ATP6V1A: variants seen among roughly 807,000 people sequenced by gnomAD.
ATP6V1A encodes the protein ATPase H+ transporting V1 subunit A.
A neutral mutation model predicts 70.1 loss-of-function variants in ATP6V1A; 18 were observed. The observed-to-expected ratio is 0.26, with a 90% CI of 0.18 to 0.38. The LOEUF (loss-of-function observed/expected upper bound fraction) is 0.38, where lower values mean the gene tolerates loss of function less well. ATP6V1A is among the 10% of genes least tolerant of loss of function. The pLI is 1.00. For synonymous variants in ATP6V1A, 232 were observed against 253.8 expected, an observed-to-expected ratio of 0.91 and a Z score of 0.82; for missense variants, 424 against 772.4, an observed-to-expected ratio of 0.55 and a Z score of 5.35.
At chr3:113,785,644 G>T (rs1709030743) in intron 5 of ATP6V1A, among the ~76,000 whole-genome samples, 2 of 149,758 alleles carry the variant, frequency 1.3e-5, no homozygotes, top group Non-Finnish European at 3.0e-5. Context: ...AAGTACCTGG[G>T]ACCACGGGCA....
Position 113,786,739 on chromosome 3 carries a change from G to T in ATP6V1A, c.716+356G>T, listed in dbSNP as rs548890841. On this transcript the variant is annotated intron_variant, in intron 6 of 14. Transcript: ENST00000273398. Reference sequence around the variant, plus strand: ...AAATTAAATTTTCTGAAGAAAATCTGTACCAAAACAATGTAACTCTGTTTC... The same window carrying T: ...AAATTAAATTTTCTGAAGAAAATCTTTACCAAAACAATGTAACTCTGTTTC... Among the ~76,000 whole-genome samples, 71 of 150,916 alleles carry T rather than the reference G, an allele frequency of 4.7e-4. No homozygotes were observed. The South Asian group carries it at 5.4e-3, about 12-fold the overall frequency.
At chr3:113,754,428 G>A (rs1708624735) in intron 1 of ATP6V1A, among the ~76,000 whole-genome samples, 1 of 152,102 alleles carries the variant, frequency 6.6e-6, no homozygotes, top group African/African-American at 2.4e-5. Flanking sequence ...AGCTACTCAA[G>A]AGGCTGAGGT....
chr3:113,800,746 CA>C (rs200289083), intron 12 of ATP6V1A, among the ~76,000 whole-genome samples: 1 of 151,256 alleles, frequency 6.6e-6, no homozygotes, highest in Non-Finnish European at 1.5e-5. Flanking sequence ...AGCCTTAAAA[CA>C]AAAAAAAGAG....
At chr3:113,771,092 C>CAA (rs772702527) in intron 1 of ATP6V1A, among the ~76,000 whole-genome samples, 38 of 119,224 alleles carry the variant, frequency 3.2e-4, no homozygotes, top group African/African-American at 1.1e-3. Context: ...GAGACTCCAT[C>CAA]AAAAAAAAAA....
chr3:113,784,900 G>A, intron 5 of ATP6V1A, 67 bp downstream of exon 5: 1 of 1,455,232 alleles, frequency 6.9e-7, no homozygotes, highest in Non-Finnish European at 9.3e-7. Context: ...CCCAGTTTTA[G>A]TGCCCTAAGT....
intron 3 of ATP6V1A, among the ~76,000 whole-genome samples, chr3:113,781,533 A>T (rs1479095452): frequency 6.6e-6 from 1 of 152,166 alleles, no homozygotes; most frequent in African/African-American, 2.4e-5. Context: ...AGAAAAAAAA[A>T]ATTGAGGATT....
intron 1 of ATP6V1A, among the ~76,000 whole-genome samples, chr3:113,754,314 G>A (rs1037906706): frequency 2.6e-5 from 4 of 152,008 alleles, no homozygotes; most frequent in South Asian, 2.1e-4. Context: ...GCTTGAGCCC[G>A]GTGTTGGAGA....
intron 1 of ATP6V1A, among the ~76,000 whole-genome samples, chr3:113,749,157 A>G (rs1037264171): frequency 3.9e-5 from 6 of 152,122 alleles, no homozygotes; most frequent in Admixed American, 6.5e-5. Context: ...GAACTCGTGA[A>G]AGCAATAACT....
At chr3:113,768,690 C>T (rs1284948411) in intron 1 of ATP6V1A, among the ~76,000 whole-genome samples, 3 of 150,626 alleles carry the variant, frequency 2.0e-5, no homozygotes, top group Non-Finnish European at 3.0e-5. Flanking sequence ...CTGCCTTCCA[C>T]GTTCAAGTGA....
chr3:113,784,860 C>T (rs1559756336), intron 5 of ATP6V1A, 27 bp downstream of exon 5: 2 of 1,608,912 alleles, frequency 1.2e-6, no homozygotes, highest in Non-Finnish European at 1.7e-6. Context: ...CTTTATCCTG[C>T]AGAGTGCCTC....
intron 1 of ATP6V1A, among the ~76,000 whole-genome samples, chr3:113,751,545 G>T (rs1708586439): frequency 6.6e-6 from 1 of 151,784 alleles, no homozygotes; most frequent in South Asian, 2.1e-4. Context: ...TTAAATAAAT[G>T]AAATGTGAGC....
At chr3:113,801,444 C>G (rs995461321) in intron 12 of ATP6V1A, among the ~76,000 whole-genome samples, 1 of 152,110 alleles carries the variant, frequency 6.6e-6, no homozygotes, top group African/African-American at 2.4e-5. Flanking sequence ...TCAAATATTG[C>G]CCAGTGTTGT....
chr3:113,800,102 C>T (rs771619790), intron 12 of ATP6V1A, among the ~76,000 whole-genome samples: 3 of 151,852 alleles, frequency 2.0e-5, no homozygotes, highest in Non-Finnish European at 4.4e-5. Context: ...CATGGTGGCG[C>T]ACCCCTGTAA....
Position 113,803,499 on chromosome 3 carries a change from T to C in ATP6V1A, c.1495-84T>C, listed in dbSNP as rs1577096551. On this transcript the variant is annotated intron_variant, in intron 12 of 14. Transcript: ENST00000273398. ...ACAATAGGTGATGGTGGAAACTATATAATAGTTTCTGCTTGTTAATTAATT... is the reference window on the plus strand; with the variant it reads ...ACAATAGGTGATGGTGGAAACTATACAATAGTTTCTGCTTGTTAATTAATT... 1.0e-5 allele frequency: 10 copies of C among 982,742 alleles called. No homozygotes were observed. In the East Asian group the frequency reaches 2.4e-4, roughly 24 times the overall value. The allele number at this position is 982,742 out of a possible 1,614,324, so 60.9% of individuals were successfully genotyped here.
intron 10 of ATP6V1A, among the ~76,000 whole-genome samples, chr3:113,795,560 C>T (rs1709144808): frequency 6.6e-6 from 1 of 151,814 alleles, no homozygotes; most frequent in Admixed American, 6.6e-5. Flanking sequence ...ATACTTTTTT[C>T]TTAGAGCGTT....
At chr3:113,785,506 C>CTTTTTTTTTTTTTTTT (rs987781968) in intron 5 of ATP6V1A, among the ~76,000 whole-genome samples, 14 of 107,168 alleles carry the variant, frequency 1.3e-4, no homozygotes, top group East Asian at 5.5e-4. Context: ...TTTTTCTTTT[C>CTTTTTTTTTTTTTTTT]TTTTTTTTTT....
chr3:113,760,464 T>TA (rs201100290), intron 1 of ATP6V1A, among the ~76,000 whole-genome samples: 332 of 152,054 alleles, frequency 2.2e-3, no homozygotes, highest in African/African-American at 7.7e-3. Flanking sequence ...CATGGTGGCT[T>TA]ACGCCTGTAA....
intron 1 of ATP6V1A, among the ~76,000 whole-genome samples, chr3:113,764,394 G>A (rs535032379): frequency 3.3e-5 from 5 of 152,172 alleles, no homozygotes; most frequent in African/African-American, 4.8e-5. Flanking sequence ...ACTGTGTAGC[G>A]CATAGAAAAA....
chr3:113,797,810 A>G (rs1709169460), intron 11 of ATP6V1A, among the ~76,000 whole-genome samples: 1 of 152,216 alleles, frequency 6.6e-6, no homozygotes, highest in Non-Finnish European at 1.5e-5. Context: ...AGTATATACT[A>G]AAACGATGTA....
Sources: allele counts gnomAD v4.1 joint callset (sites outside exome capture counted in the v4.1 genomes callset), GRCh38; gene constraint gnomAD v4.1.1; transcripts MANE v1.5; gene names NCBI Gene and HGNC (gene_info 2026-07-23, HGNC 2026-07-21).